Variants in HECW2 observed in about 807,000 individuals in gnomAD.
HECW2 encodes the protein E3 ubiquitin-protein ligase HECW2.
A neutral mutation model predicts 175.2 loss-of-function variants in HECW2; 61 were observed. That is an observed-to-expected ratio of 0.35 (90% CI 0.28 to 0.43). HECW2 has a LOEUF of 0.43. Among genes scored for constraint, HECW2 ranks in the 20% least tolerant of loss-of-function variants. HECW2 has a pLI of 1.00. For synonymous variants in HECW2, 671 were observed against 731.0 expected (o/e 0.92, Z 1.32); for missense variants, 1,524 against 2,000.5 (o/e 0.76, Z 4.54).
chr2:196,445,484 G>C (rs1484091464), intron 1 of HECW2, among the ~76,000 whole-genome samples: 1 of 152,128 alleles, frequency 6.6e-6, no homozygotes, highest in Non-Finnish European at 1.5e-5. Context: ...TAAATTGTGT[G>C]TCACTAGAAT....
intron 13 of HECW2, among the ~76,000 whole-genome samples, chr2:196,298,675 G>A (rs527790571): frequency 1.3e-5 from 2 of 152,126 alleles, no homozygotes; most frequent in Admixed American, 6.5e-5. Context: ...AGGCCCCGGT[G>A]TGTGATGTTC....
At chr2:196,381,923 T>C (rs1694217313) in intron 2 of HECW2, among the ~76,000 whole-genome samples, 1 of 152,150 alleles carries the variant, frequency 6.6e-6, no homozygotes, top group African/African-American at 2.4e-5. Flanking sequence ...GCACTATTTG[T>C]TTGTAATAGA....
chr2:196,251,978 C>G (rs865982095), intron 19 of HECW2, among the ~76,000 whole-genome samples: 2 of 151,902 alleles, frequency 1.3e-5, no homozygotes, highest in South Asian at 4.2e-4. Flanking sequence ...GCAGGCAGAT[C>G]ATTTGAAGTT....
At chr2:196,398,136 T>C (rs536855330) in intron 2 of HECW2, among the ~76,000 whole-genome samples, 10 of 4,844 alleles carry the variant, frequency 2.1e-3, no homozygotes, top group African/African-American at 7.4e-3. Context: ...GTGGGGGAGT[T>C]AGGGGAAAAT....
chr2:196,334,062 T>C (rs1439154294), intron 4 of HECW2, among the ~76,000 whole-genome samples: 1 of 152,122 alleles, frequency 6.6e-6, no homozygotes, highest in Non-Finnish European at 1.5e-5. Context: ...AAATCACCCA[T>C]AATTTAAATA....
intron 17 of HECW2, among the ~76,000 whole-genome samples, chr2:196,270,951 C>T (rs542597437): frequency 4.6e-5 from 7 of 152,298 alleles, no homozygotes; most frequent in Admixed American, 3.9e-4. Context: ...GCCTCGGCCT[C>T]CCCAAGTGCT....
At chr2:196,408,628 T>C (rs1162743343) in intron 2 of HECW2, among the ~76,000 whole-genome samples, 1 of 152,224 alleles carries the variant, frequency 6.6e-6, no homozygotes, top group Non-Finnish European at 1.5e-5. Flanking sequence ...TCCATTGAAC[T>C]TTCTTTCAAG....
chr2:196,500,546 A>T (rs1465574374), intron 1 of HECW2, among the ~76,000 whole-genome samples: 1 of 148,564 alleles, frequency 6.7e-6, no homozygotes, highest in African/African-American at 2.4e-5. Context: ...AAAGAACAAT[A>T]AAATTCCAAA....
chr2:196,269,850 C>T (rs1270534651), intron 17 of HECW2, among the ~76,000 whole-genome samples: 1 of 152,200 alleles, frequency 6.6e-6, no homozygotes, highest in East Asian at 1.9e-4. Context: ...ACTGTGCCAT[C>T]AGAATTATAC....
intron 2 of HECW2, among the ~76,000 whole-genome samples, chr2:196,417,872 T>C (rs1357130742): frequency 6.6e-6 from 1 of 152,188 alleles, no homozygotes; most frequent in Non-Finnish European, 1.5e-5. Context: ...TCATGGTGAA[T>C]GCTTTACAAT....
intron 2 of HECW2, among the ~76,000 whole-genome samples, chr2:196,376,974 T>C (rs1245941603): frequency 1.3e-5 from 2 of 152,060 alleles, no homozygotes; most frequent in Non-Finnish European, 2.9e-5. Context: ...ATGAATTAAT[T>C]AAGATCGTTT....
At chr2:196,346,987 G>A (rs1235011564) in intron 2 of HECW2, among the ~76,000 whole-genome samples, 2 of 137,320 alleles carry the variant, frequency 1.5e-5, no homozygotes, top group South Asian at 2.4e-4. Flanking sequence ...TAGCCTGGGC[G>A]ACAGAGTGAG....
chr2:196,308,132 A>C, intron 10 of HECW2, 47 bp from the exon 11 acceptor site: 1 of 1,419,964 alleles, frequency 7.0e-7, no homozygotes, highest in Non-Finnish European at 9.5e-7. Flanking sequence ...AGGAGCTGAG[A>C]TGATTAATAG....
chr2:196,252,979 T>C (rs1443890428), intron 19 of HECW2, among the ~76,000 whole-genome samples: 1 of 152,222 alleles, frequency 6.6e-6, no homozygotes, highest in African/African-American at 2.4e-5. Flanking sequence ...CACCATGAAT[T>C]CTTCAAAGGA....
chr2:196,587,102 C>A (rs1201716696), intron 1 of HECW2, among the ~76,000 whole-genome samples: 1 of 152,200 alleles, frequency 6.6e-6, no homozygotes, highest in Admixed American at 6.5e-5. Context: ...TACAAGGATC[C>A]TTTAATGATG....
intron 1 of HECW2, among the ~76,000 whole-genome samples, chr2:196,546,617 G>C (rs1484970926): frequency 6.6e-6 from 1 of 152,162 alleles, no homozygotes; most frequent in Non-Finnish European, 1.5e-5. Context: ...TGGATCAGGG[G>C]TTGGTGCTTG....
intron 17 of HECW2, among the ~76,000 whole-genome samples, chr2:196,266,114 T>G (rs1689502587): frequency 6.6e-6 from 1 of 151,140 alleles, no homozygotes; most frequent in Non-Finnish European, 1.5e-5. Flanking sequence ...GAGGATCTCT[T>G]AAGCCCAGGT....
intron 13 of HECW2, among the ~76,000 whole-genome samples, chr2:196,298,073 C>A (rs74419956): frequency 0.058 from 8,813 of 152,178 alleles, 350 homozygotes; most frequent in Non-Finnish European, 0.089. Context: ...TACTAAGAAA[C>A]TTAAACGCTA....
At chr2:196,373,450 T>C (rs541313658) in intron 2 of HECW2, among the ~76,000 whole-genome samples, 3 of 152,350 alleles carry the variant, frequency 2.0e-5, no homozygotes, top group Admixed American at 2.0e-4. Context: ...TAAAAGCAGA[T>C]GGCATTCATC....
Sources: gnomAD v4.1 joint callset for allele counts (sites outside exome capture counted in the v4.1 genomes callset) on GRCh38, gnomAD v4.1.1 for gene constraint, MANE v1.5 for transcripts, NCBI Gene and HGNC (gene_info 2026-07-23, HGNC 2026-07-21) for gene names.